The following GMDS variants were observed in gnomAD, a reference collection of about 807,000 sequenced individuals.
GMDS encodes GDP-mannose 4,6 dehydratase.
GMDS carries 20 observed loss-of-function variants against 49.9 expected under a neutral mutation model. That is an observed-to-expected ratio of 0.40 (90% confidence interval 0.28 to 0.58). The LOEUF is 0.58. GMDS is among the 20% of genes least tolerant of loss of function. The pLI, the probability that GMDS is intolerant of heterozygous loss-of-function variation, is 0.42. For synonymous variants in GMDS, 177 were observed against 178.6 expected (o/e 0.99, Z 0.07); for missense variants, 362 against 481.4 (o/e 0.75, Z 2.32).
intron 4 of GMDS, among the ~76,000 whole-genome samples, chr6:2,001,451 T>C (rs1766814484): frequency 6.6e-6 from 1 of 152,220 alleles, no homozygotes; most frequent in African/African-American, 2.4e-5. Flanking sequence ...ATTCTCTTTC[T>C]TCATGGTATC....
chr6:2,214,273 T>C (rs541923551), intron 1 of GMDS, among the ~76,000 whole-genome samples: 1 of 152,200 alleles, frequency 6.6e-6, no homozygotes, highest in Non-Finnish European at 1.5e-5. Flanking sequence ...TAACTGATCA[T>C]TTATTTTGCC....
intron 7 of GMDS, among the ~76,000 whole-genome samples, chr6:1,834,379 C>T (rs1482771651): frequency 1.3e-5 from 2 of 152,128 alleles, no homozygotes; most frequent in African/African-American, 4.8e-5. Context: ...GCTCTGAGGG[C>T]CTGGAGGTTA....
At chr6:1,887,756 C>A (rs1450728409) in intron 7 of GMDS, among the ~76,000 whole-genome samples, 1 of 152,172 alleles carries the variant, frequency 6.6e-6, no homozygotes, top group Non-Finnish European at 1.5e-5. Context: ...TACAGAGGAT[C>A]GGTTCCAGGA....
chr6:1,766,921 GTTCT>G lies in GMDS; in HGVS notation c.772-24339_772-24336del, dbSNP rs1214908348. Among the ~76,000 whole-genome samples, 1 of 152,198 alleles carries G rather than the reference GTTCT, an allele frequency of 6.6e-6. No individual in the cohort carries two copies. Among genetic ancestry groups the G allele is most frequent in the Non-Finnish European group, 1.5e-5 (1 of 68,040 alleles). Reference sequence around the variant, plus strand: ...TGGCTTAAAGGAGCACCGGGTAAGGGTTCTTTATTTCCTGCTGAATCTGACTTAA... The same window carrying G: ...TGGCTTAAAGGAGCACCGGGTAAGGGTTATTTCCTGCTGAATCTGACTTAA... On this transcript the variant is annotated intron_variant, in intron 7 of 10. Transcript: ENST00000380815. This position sits in a 1 kb window ranked among gnomAD's most constrained non-coding sequence, Gnocchi z 4.5.
chr6:2,106,662 A>C lies in GMDS; in HGVS notation c.345+9109T>G, dbSNP rs192691900. Reference sequence around the variant, plus strand: ...TGGATCACCTGAGGTCAGGAGATGGAGACCGGCCTGGCCAACATGGTGAAA... The same window carrying C: ...TGGATCACCTGAGGTCAGGAGATGGCGACCGGCCTGGCCAACATGGTGAAA... On this transcript the variant is annotated intron_variant, in intron 4 of 10. Coordinates refer to ENST00000380815, the MANE Select transcript of GMDS (RefSeq NM_001500.4). 7.3e-4 allele frequency among the ~76,000 whole-genome samples: 111 copies of C among 152,260 alleles called. 2 individuals are homozygous for C. The East Asian group carries it at 0.019, about 26-fold the overall frequency.
At chr6:1,763,155 G>A (rs1359551463) in intron 7 of GMDS, among the ~76,000 whole-genome samples, 1 of 152,202 alleles carries the variant, frequency 6.6e-6, no homozygotes, top group African/African-American at 2.4e-5. Context: ...TGGTGCTGTG[G>A]ACACGTGCGA....
chr6:2,079,337 T>C (rs1320144393), intron 4 of GMDS, among the ~76,000 whole-genome samples: 1 of 152,068 alleles, frequency 6.6e-6, no homozygotes, highest in Non-Finnish European at 1.5e-5. Context: ...TGGTTTTATA[T>C]ACTCTTCATT....
chr6:1,895,331 T>C (rs1315259915), intron 7 of GMDS, among the ~76,000 whole-genome samples: 1 of 152,250 alleles, frequency 6.6e-6, no homozygotes, highest in Non-Finnish European at 1.5e-5. Context: ...TTGTGTTATC[T>C]TCCTCTGGTC....
intron 7 of GMDS, among the ~76,000 whole-genome samples, chr6:1,765,795 G>A (rs370618362): frequency 1.5e-4 from 23 of 152,154 alleles, no homozygotes; most frequent in Non-Finnish European, 2.8e-4. Context: ...GACACTCCCC[G>A]ATGGAGGGTT....
At chr6:1,838,402 T>C (rs1757017450) in intron 7 of GMDS, among the ~76,000 whole-genome samples, 1 of 152,238 alleles carries the variant, frequency 6.6e-6, no homozygotes, top group African/African-American at 2.4e-5. Context: ...ACTTAATTGA[T>C]ATAACCAATA....
In GMDS at chr6:1,936,048, T is replaced by C. The variant is rs1482689447; in HGVS notation, c.644-5818A>G. Among the ~76,000 whole-genome samples the C allele has an allele frequency of 3.3e-5, 5 of 152,174 alleles. No homozygotes were observed. In the East Asian group the frequency reaches 9.6e-4, roughly 29 times the overall value. Reference sequence around the variant, plus strand: ...GAAACAGGTTCAGCTTTAATATCTATCTGTGACAAAGGACAAAATTTTCAG... The same window carrying C: ...GAAACAGGTTCAGCTTTAATATCTACCTGTGACAAAGGACAAAATTTTCAG... On this transcript the variant is annotated intron_variant, in intron 6 of 10. Transcript: ENST00000380815.
chr6:1,725,905 G>A (rs1766563881), intron 9 of GMDS, among the ~76,000 whole-genome samples: 2 of 152,242 alleles, frequency 1.3e-5, no homozygotes, highest in East Asian at 3.8e-4. Context: ...CAGTACTGAT[G>A]TATCGGCCAG....
chr6:1,874,276 G>A (rs867215156), intron 7 of GMDS, among the ~76,000 whole-genome samples: 5 of 152,182 alleles, frequency 3.3e-5, no homozygotes, highest in Admixed American at 3.3e-4. Flanking sequence ...TCAACAGATA[G>A]TATAGAAAAA....
chr6:1,742,241 T>G (rs1166128582), intron 8 of GMDS, among the ~76,000 whole-genome samples: 10 of 152,034 alleles, frequency 6.6e-5, no homozygotes, highest in Admixed American at 6.6e-4. Context: ...AAAAGAAAGA[T>G]GAAAGAAATG....
intron 1 of GMDS, among the ~76,000 whole-genome samples, chr6:2,221,923 G>A (rs3800186): frequency 0.021 from 3,169 of 152,190 alleles, 155 homozygotes; most frequent in East Asian, 0.12. Context: ...TTAAGAAGCC[G>A]CCAGGTCAGT....
intron 4 of GMDS, among the ~76,000 whole-genome samples, chr6:2,006,173 G>A (rs1051235953): frequency 6.6e-6 from 1 of 151,874 alleles, no homozygotes; most frequent in Non-Finnish European, 1.5e-5. Context: ...TGCAATCACA[G>A]CACTTTAGGA....
intron 9 of GMDS, among the ~76,000 whole-genome samples, chr6:1,665,192 C>T (rs1764200861): frequency 6.6e-6 from 1 of 152,166 alleles, no homozygotes; most frequent in African/African-American, 2.4e-5. Flanking sequence ...TGGTGTGCTG[C>T]ACCCATTAAC....
intron 1 of GMDS, among the ~76,000 whole-genome samples, chr6:2,143,018 C>T (rs1427418852): frequency 6.6e-6 from 1 of 152,214 alleles, no homozygotes; most frequent in Non-Finnish European, 1.5e-5. Context: ...ATCCTGATCC[C>T]TCCAGCCTGC....
At position 1,853,341 on chromosome 6, in the gene GMDS, A is replaced by AC. The variant is rs1279101946; in HGVS notation, c.771+76761dup. On this transcript the variant is annotated intron_variant, in intron 7 of 10. Coordinates refer to ENST00000380815, the MANE Select transcript of GMDS (RefSeq NM_001500.4). ...AGACCATCCTGGCTAAAACGGTGAAACCCCGTCTCTACTAAAAATACAAAA... is the reference window on the plus strand; with the variant it reads ...AGACCATCCTGGCTAAAACGGTGAAACCCCCGTCTCTACTAAAAATACAAAA... Among the ~76,000 whole-genome samples the AC allele has an allele frequency of 2.2e-4, 33 of 150,522 alleles. 1 individual carries two copies. Among genetic ancestry groups the AC allele is most frequent in the African/African-American group, 8.1e-4 (33 of 40,532 alleles).
Sources: gnomAD v4.1 joint callset for allele counts (sites outside exome capture counted in the v4.1 genomes callset) on GRCh38, gnomAD v4.1.1 for gene constraint, Gnocchi (gnomAD v3.1) non-coding constraint, MANE v1.5 for transcripts, NCBI Gene and HGNC (gene_info 2026-07-23, HGNC 2026-07-21) for gene names.